Variants in SNTG1 observed in about 807,000 individuals in gnomAD.
SNTG1 encodes the protein gamma-1-syntrophin.
In SNTG1, 39 loss-of-function variants were observed where a neutral mutation model predicts 74.7. The observed-to-expected ratio is 0.52, with a 90% CI of 0.40 to 0.68. The LOEUF is 0.68. Ranked by LOEUF, SNTG1 falls within the 30% of genes least tolerant of loss-of-function variation. The pLI is 0.00. For synonymous variants in SNTG1, 254 were observed against 217.1 expected (o/e 1.17, Z -1.49); for missense variants, 685 against 609.5 (o/e 1.12, Z -1.30).
At chr8:50,595,781 C>G (rs765185652) in intron 13 of SNTG1, among the ~76,000 whole-genome samples, 1 of 151,860 alleles carries the variant, frequency 6.6e-6, no homozygotes, top group Non-Finnish European at 1.5e-5. Flanking sequence ...TAATATTGCT[C>G]ATTTAGCAGC....
intron 8 of SNTG1, among the ~76,000 whole-genome samples, chr8:50,477,328 A>G (rs2093704780): frequency 6.6e-6 from 1 of 152,120 alleles, no homozygotes; most frequent in Non-Finnish European, 1.5e-5. Context: ...AATAGCATGT[A>G]CACTTGATGT....
At chr8:50,125,535 G>A (rs1336531703) in intron 1 of SNTG1, among the ~76,000 whole-genome samples, 1 of 141,718 alleles carries the variant, frequency 7.1e-6, no homozygotes, top group East Asian at 2.0e-4. Context: ...TGTAGTATTA[G>A]AACATGATTT....
chr8:49,957,319 A>G (rs1346956864), intron 1 of SNTG1, among the ~76,000 whole-genome samples: 1 of 152,236 alleles, frequency 6.6e-6, no homozygotes, highest in Non-Finnish European at 1.5e-5. Context: ...TTTAGCTATG[A>G]CAGTCCTACA....
intron 1 of SNTG1, among the ~76,000 whole-genome samples, chr8:50,003,440 G>T (rs1453915966): frequency 6.6e-6 from 1 of 152,012 alleles, no homozygotes; most frequent in Non-Finnish European, 1.5e-5. Flanking sequence ...ACGGAAACTG[G>T]CAACAATGAT....
intron 13 of SNTG1, among the ~76,000 whole-genome samples, chr8:50,641,912 T>TCAGTCTTAAACTGATGAGA (rs1466388020): frequency 1.3e-5 from 2 of 152,218 alleles, no homozygotes; most frequent in Non-Finnish European, 2.9e-5. Flanking sequence ...ACTTTAAATA[T>TCAGTCTTAAACTGATGAGA]CAGTCTTAAA....
intron 2 of SNTG1, among the ~76,000 whole-genome samples, chr8:50,347,816 A>C (rs1391876379): frequency 6.6e-6 from 1 of 152,224 alleles, no homozygotes; most frequent in Non-Finnish European, 1.5e-5. Context: ...ATTCAATTGC[A>C]TGGGTAAGAC....
At chr8:50,769,186 C>T (rs569387442) in intron 18 of SNTG1, among the ~76,000 whole-genome samples, 13 of 151,742 alleles carry the variant, frequency 8.6e-5, no homozygotes, top group Admixed American at 1.3e-4. Flanking sequence ...TTTTCTCTCT[C>T]GGTAGACTAT....
chr8:50,026,337 A>G (rs1335598748), intron 1 of SNTG1, among the ~76,000 whole-genome samples: 3 of 152,094 alleles, frequency 2.0e-5, no homozygotes, highest in Admixed American at 1.3e-4. Flanking sequence ...TTTGAATTCT[A>G]TGTTGTTTTG....
At chr8:50,302,473 G>C (rs890313873) in intron 2 of SNTG1, among the ~76,000 whole-genome samples, 1 of 151,986 alleles carries the variant, frequency 6.6e-6, no homozygotes, top group Non-Finnish European at 1.5e-5. Flanking sequence ...TAGTGAGTCT[G>C]CCAGTATCCA....
chr8:50,481,153 C>T (rs562994100), intron 8 of SNTG1, among the ~76,000 whole-genome samples: 2 of 152,206 alleles, frequency 1.3e-5, no homozygotes, highest in South Asian at 2.1e-4. Context: ...GAAGCCGAGG[C>T]GGGTGGATCA....
chr8:50,555,242 T>C (rs940798371), intron 12 of SNTG1, among the ~76,000 whole-genome samples: 1 of 152,180 alleles, frequency 6.6e-6, no homozygotes, highest in Non-Finnish European at 1.5e-5. Context: ...ATATTAAAAG[T>C]TATGTATTTC....
chr8:49,938,227 A>T (rs1808262921), intron 1 of SNTG1, among the ~76,000 whole-genome samples: 1 of 152,198 alleles, frequency 6.6e-6, no homozygotes, highest in Non-Finnish European at 1.5e-5. Flanking sequence ...AGCTGAGCCC[A>T]ATTGTCTCTC....
chr8:50,132,924 T>C (rs889572200), intron 1 of SNTG1, among the ~76,000 whole-genome samples: 8 of 152,174 alleles, frequency 5.3e-5, no homozygotes, highest in Non-Finnish European at 7.3e-5. Context: ...ATCCATGAGT[T>C]ACACATAAAA....
intron 2 of SNTG1, among the ~76,000 whole-genome samples, chr8:50,287,441 CACTG>C (rs1368586483): frequency 6.6e-6 from 1 of 152,148 alleles, no homozygotes; most frequent in Non-Finnish European, 1.5e-5. Context: ...TTATGCAAGT[CACTG>C]ACTGCAAAAC....
chr8:50,710,428 A>C (rs1019810238), intron 17 of SNTG1, among the ~76,000 whole-genome samples: 4 of 152,280 alleles, frequency 2.6e-5, no homozygotes, highest in South Asian at 4.1e-4. Context: ...CGATTAAATG[A>C]GTAATAAGTT....
intron 5 of SNTG1, among the ~76,000 whole-genome samples, chr8:50,445,204 G>A (rs2093395689): frequency 6.6e-6 from 1 of 152,164 alleles, no homozygotes; most frequent in Non-Finnish European, 1.5e-5. Flanking sequence ...CATCCAGAAG[G>A]ATGATGGCAC....
At chr8:50,085,605 A>G (rs773690315) in intron 1 of SNTG1, among the ~76,000 whole-genome samples, 2 of 152,174 alleles carry the variant, frequency 1.3e-5, no homozygotes, top group African/African-American at 2.4e-5. Flanking sequence ...TGGTCTCCTC[A>G]TTGTCACATT....
In SNTG1 at chr8:50,743,652, A is replaced by AC. The variant is rs1315396645; in HGVS notation, c.1285-8349_1285-8348insC. ...TTTAGCCAGAGCTATTAGGCAAGAA[A>AC]AAAAAAAAGCCAAAGAAAATTGAAA... On this transcript the variant is annotated intron_variant, in intron 17 of 18. Transcript: ENST00000642720. 5.5e-5 allele frequency among the ~76,000 whole-genome samples: 8 copies of AC among 144,394 alleles called. No individual in the cohort carries two copies. In the East Asian group the frequency reaches 1.4e-3, roughly 26 times the overall value. 94.7% of individuals were successfully genotyped at this position (144,394 alleles called of 152,430 possible).
At chr8:50,197,168 C>G (rs2083803891) in intron 2 of SNTG1, among the ~76,000 whole-genome samples, 1 of 152,058 alleles carries the variant, frequency 6.6e-6, no homozygotes, top group Non-Finnish European at 1.5e-5. Flanking sequence ...TCTTTGTGGT[C>G]TTCACTTGCA....
Sources: gnomAD v4.1 joint callset for allele counts (sites outside exome capture counted in the v4.1 genomes callset) on GRCh38, gnomAD v4.1.1 for gene constraint, MANE v1.5 for transcripts, NCBI Gene and HGNC (gene_info 2026-07-23, HGNC 2026-07-21) for gene names.